The following NALF1 variants were observed in gnomAD, a reference collection of about 807,000 sequenced individuals.
The protein encoded by NALF1 is NALCN channel auxiliary factor 1, also known as family with sequence similarity 155 member A.
A neutral mutation model predicts 48.4 loss-of-function variants in NALF1; 3 were observed. The ratio of observed to expected loss-of-function variants is 0.06; its 90% confidence interval spans 0.03 to 0.16. The LOEUF is 0.16. NALF1 is among the 10% of genes least tolerant of loss of function. The pLI is 1.00. For missense variants in NALF1, 526 were observed against 571.5 expected (o/e 0.92, Z 0.81); for synonymous variants, 262 against 245.7 (o/e 1.07, Z -0.62).
intron 1 of NALF1, among the ~76,000 whole-genome samples, chr13:107,429,831 C>T (rs1042209542): frequency 6.6e-6 from 1 of 152,138 alleles, no homozygotes; most frequent in Non-Finnish European, 1.5e-5. Context: ...CATGTACAAT[C>T]TCTATAAATA....
At position 107,308,448 on chromosome 13, in the gene NALF1, C is replaced by T. The variant is rs531419483; in HGVS notation, c.916-97693G>A. Reference sequence around the variant, plus strand: ...CGATCTCCTGACCTCGTGATCCGCCCGCCTCGGCCTCCCAAAGTGCTGGGA... The same window carrying T: ...CGATCTCCTGACCTCGTGATCCGCCTGCCTCGGCCTCCCAAAGTGCTGGGA... On this transcript the variant is annotated intron_variant, in intron 1 of 2. Coordinates refer to ENST00000375915, the MANE Select transcript of NALF1 (RefSeq NM_001080396.3). Among the ~76,000 whole-genome samples the T allele has an allele frequency of 3.9e-5, 6 of 152,050 alleles. No homozygotes were observed. In the East Asian group the frequency reaches 5.8e-4, roughly 15 times the overall value.
chr13:107,464,188 T>C (rs1380541528), intron 1 of NALF1, among the ~76,000 whole-genome samples: 1 of 150,844 alleles, frequency 6.6e-6, no homozygotes, highest in Non-Finnish European at 1.5e-5. Flanking sequence ...ATTTTTCTCA[T>C]ATGTAAAACA....
chr13:107,320,197 A>T (rs1882227196), intron 1 of NALF1, among the ~76,000 whole-genome samples: 1 of 152,094 alleles, frequency 6.6e-6, no homozygotes, highest in Non-Finnish European at 1.5e-5. Flanking sequence ...ACAGACATTG[A>T]CTGGCAGTAA....
rs144258275 is a variant in NALF1, at chr13:107,595,803, A to G, written c.915+269879T>C. Among the ~76,000 whole-genome samples the G allele has an allele frequency of 1.6e-3, 242 of 152,294 alleles. 1 individual carries two copies. Among genetic ancestry groups the G allele is most frequent in the African/African-American group, 5.5e-3 (228 of 41,568 alleles). Reference sequence around the variant, plus strand: ...GGCTCAAGTAATGCAGCCTATTTTAACAGAAAGAGTTCAAGCGTCCTGCTC... The same window carrying G: ...GGCTCAAGTAATGCAGCCTATTTTAGCAGAAAGAGTTCAAGCGTCCTGCTC... On this transcript the variant is annotated intron_variant, in intron 1 of 2. Coordinates refer to ENST00000375915, the MANE Select transcript of NALF1 (RefSeq NM_001080396.3).
At position 107,170,646 on chromosome 13, in the gene NALF1, T is replaced by A. The variant is rs748293538; in HGVS notation, c.1228A>T (p.Thr410Ser). 1 of 1,614,222 alleles carries A rather than the reference T, an allele frequency of 6.2e-7. No homozygotes were observed. Among genetic ancestry groups the A allele is most frequent in the East Asian group, 2.2e-5 (1 of 44,878 alleles). Residue 410 changes from threonine (T) to serine (S), a missense_variant, in exon 3 of 3, where the codon ACA becomes TCA. Transcript: ENST00000375915. ...HRTSLTVSSA[T>S]RLCNSRLKLC... Reference sequence around the variant, plus strand: ...TTGAGTCTGCTGTTGCACAGTCTTGTTGCTGATGACACTGTGAGCGATGTC... The same window carrying A: ...TTGAGTCTGCTGTTGCACAGTCTTGATGCTGATGACACTGTGAGCGATGTC...
chr13:107,402,759 A>C (rs748073248), intron 1 of NALF1, among the ~76,000 whole-genome samples: 14 of 152,172 alleles, frequency 9.2e-5, no homozygotes, highest in Non-Finnish European at 1.6e-4. Context: ...TTCCTTGCCT[A>C]GAAACGGGAT....
chr13:107,408,096 T>C (rs1883930527), intron 1 of NALF1, among the ~76,000 whole-genome samples: 1 of 152,020 alleles, frequency 6.6e-6, no homozygotes, highest in Non-Finnish European at 1.5e-5. Flanking sequence ...AGAAAGATGG[T>C]TACCAGAGGC....
intron 1 of NALF1, among the ~76,000 whole-genome samples, chr13:107,405,388 T>C (rs914119638): frequency 1.3e-5 from 2 of 152,132 alleles, no homozygotes; most frequent in Non-Finnish European, 2.9e-5. Flanking sequence ...GGCTGGTGGA[T>C]GCTCTCTTTC....
At chr13:107,366,841 A>G (rs1883160418) in intron 1 of NALF1, among the ~76,000 whole-genome samples, 1 of 152,144 alleles carries the variant, frequency 6.6e-6, no homozygotes, top group South Asian at 2.1e-4. Context: ...GCAGGTGTTC[A>G]CGTTCATGCT....
At chr13:107,418,898 C>G (rs939289629) in intron 1 of NALF1, among the ~76,000 whole-genome samples, 1 of 152,132 alleles carries the variant, frequency 6.6e-6, no homozygotes, top group Non-Finnish European at 1.5e-5. Context: ...TAACTTTGTT[C>G]CAGAAAATTG....
chr13:107,271,643 TAGTC>T (rs1881167748), intron 1 of NALF1, among the ~76,000 whole-genome samples: 1 of 151,758 alleles, frequency 6.6e-6, no homozygotes, highest in African/African-American at 2.4e-5. Context: ...GATAATTTGT[TAGTC>T]AGCAGTTGAA....
intron 1 of NALF1, among the ~76,000 whole-genome samples, chr13:107,490,766 C>G (rs912293187): frequency 1.1e-4 from 17 of 152,098 alleles, no homozygotes; most frequent in African/African-American, 2.9e-4. Flanking sequence ...TTGGGGTTTA[C>G]TCTTCAAGTT....
intron 1 of NALF1, among the ~76,000 whole-genome samples, chr13:107,506,462 T>G (rs913608466): frequency 2.6e-5 from 4 of 152,178 alleles, no homozygotes; most frequent in African/African-American, 9.6e-5. Flanking sequence ...CAAAGGTTTA[T>G]AGTGTAATCA....
chr13:107,818,948 A>T (rs1234747932), intron 1 of NALF1, among the ~76,000 whole-genome samples: 1 of 151,388 alleles, frequency 6.6e-6, no homozygotes, highest in Non-Finnish European at 1.5e-5. Flanking sequence ...AGATCCAACT[A>T]TGTTCTTGCA....
chr13:107,599,379 GC>G (rs1441137569), intron 1 of NALF1, among the ~76,000 whole-genome samples: 1 of 146,612 alleles, frequency 6.8e-6, no homozygotes, highest in East Asian at 2.0e-4. Flanking sequence ...CCAAGATTGC[GC>G]CACTGCACTC....
chr13:107,819,505 T>C (rs1879290390), intron 1 of NALF1, among the ~76,000 whole-genome samples: 1 of 152,202 alleles, frequency 6.6e-6, no homozygotes, highest in African/African-American at 2.4e-5. Flanking sequence ...TTTATAAACT[T>C]TGGCCAAATG....
intron 1 of NALF1, among the ~76,000 whole-genome samples, chr13:107,311,707 C>T (rs561377172): frequency 1.3e-5 from 2 of 152,064 alleles, no homozygotes; most frequent in Admixed American, 6.5e-5. Context: ...CTACAATGAA[C>T]TCAAACAAAT....
intron 1 of NALF1, among the ~76,000 whole-genome samples, chr13:107,682,184 T>C (rs550649469): frequency 9.2e-5 from 14 of 152,188 alleles, no homozygotes; most frequent in African/African-American, 2.9e-4. Flanking sequence ...TCTAACCCTC[T>C]AACAACTCTG....
intron 1 of NALF1, among the ~76,000 whole-genome samples, chr13:107,301,859 A>G (rs897474109): frequency 3.3e-5 from 5 of 152,198 alleles, no homozygotes; most frequent in Non-Finnish European, 7.3e-5. Flanking sequence ...ATTAGGCTGT[A>G]AGAGATCAAC....
Sources: gnomAD v4.1 joint callset for allele counts (sites outside exome capture counted in the v4.1 genomes callset) on GRCh38, gnomAD v4.1.1 for gene constraint, MANE v1.5 for transcripts, NCBI Gene and HGNC (gene_info 2026-07-23, HGNC 2026-07-21) for gene names.